The following EFCC1 variants were observed in gnomAD, a reference collection of about 807,000 sequenced individuals.
EFCC1 encodes EF-hand and coiled-coil domain containing 1, also known as EF-hand and coiled-coil domain-containing protein 1.
In EFCC1, 50 loss-of-function variants were observed where a neutral mutation model predicts 52.1. The ratio of observed to expected loss-of-function variants is 0.96; its 90% CI spans 0.76 to 1.21. The LOEUF (loss-of-function observed/expected upper bound fraction) is 1.21, where lower values mean the gene tolerates loss of function less well. EFCC1 is among the 50% of genes most tolerant of loss of function. The pLI is 0.00. For missense variants in EFCC1, 837 were observed against 867.3 expected (o/e 0.97, Z 0.44); for synonymous variants, 399 against 396.5 (o/e 1.01, Z -0.08).
intron 2 of EFCC1, among the ~76,000 whole-genome samples, chr3:129,022,773 C>T (rs987682578): frequency 2.0e-5 from 3 of 152,348 alleles, no homozygotes; most frequent in African/African-American, 7.2e-5. Flanking sequence ...CTGCAGCTCA[C>T]AGAAGGCCCC....
In EFCC1 at chr3:129,001,697, T is replaced by G. The variant is rs1252331609; in HGVS notation, c.69T>G (p.Pro23=). 3 of 1,496,936 alleles carry G rather than the reference T, an allele frequency of 2.0e-6. No individual in the cohort carries two copies. The Admixed American group carries it at 6.4e-5, about 32-fold the overall frequency. The allele number at this position is 1,496,936 out of a possible 1,614,324, so 92.7% of individuals were successfully genotyped here. The change falls in exon 1 of 8, where the codon CCT becomes CCG. Residue 23 remains proline, a synonymous_variant. Coordinates refer to ENST00000683648, the MANE Select transcript of EFCC1 (RefSeq NM_001377500.1). The part of the protein sequence containing the change: ...EGAGGDPYRR[P]ARRTQWLLSA... Reference sequence around the variant, plus strand: ...CGGGAGGTGACCCGTACCGGCGACCTGCGCGGCGCACGCAGTGGCTGCTGA... The same window carrying G: ...CGGGAGGTGACCCGTACCGGCGACCGGCGCGGCGCACGCAGTGGCTGCTGA...
chr3:129,003,789 C>A lies in EFCC1; in HGVS notation c.697-5C>A. 1 of 1,440,404 alleles carries A rather than the reference C, an allele frequency of 6.9e-7. No homozygotes were observed. Among genetic ancestry groups the A allele is most frequent in the Non-Finnish European group, 9.1e-7 (1 of 1,101,884 alleles). 89.2% of individuals were successfully genotyped at this position (1,440,404 alleles called of 1,614,324 possible). ...CCCCCTGCCCCTGCTGCCCTGTCCC[C>A]GCAGGTCGGACTCTGGAAGAGCCAG... On this transcript the variant is annotated splice_polypyrimidine_tract_variant and splice_region_variant and intron_variant, in intron 1 of 7. Transcript: ENST00000683648.
Position 129,001,626 on chromosome 3 carries a change from G to T in EFCC1, c.-3G>T. Reference sequence around the variant, plus strand: ...CCGGAGGAGCGAGGCGCGCGGCGCAGCGATGGAGCCGGTCAGCACGGGCGC... The same window carrying T: ...CCGGAGGAGCGAGGCGCGCGGCGCATCGATGGAGCCGGTCAGCACGGGCGC... On this transcript the variant is annotated 5_prime_UTR_variant, in exon 1 of 8. Transcript: ENST00000683648. 7.4e-7 allele frequency: 1 copy of T among 1,357,936 alleles called. No homozygotes were observed. Among genetic ancestry groups the T allele is most frequent in the East Asian group, 3.0e-5 (1 of 33,058 alleles). 84.1% of individuals were successfully genotyped at this position (1,357,936 alleles called of 1,614,324 possible). A position where few individuals can be genotyped will look rare whatever the true frequency, so the allele number is the denominator to read the frequency against.
At chr3:129,031,015 TC>T (rs1243089487) in intron 3 of EFCC1, among the ~76,000 whole-genome samples, 155 bp downstream of exon 3, 3 of 152,122 alleles carry the variant, frequency 2.0e-5, no homozygotes, top group Non-Finnish European at 4.4e-5. Context: ...GGGGCCCTTT[TC>T]CCCAGCCCCA....
intron 2 of EFCC1, among the ~76,000 whole-genome samples, chr3:129,029,498 G>C (rs1459086260): frequency 6.6e-6 from 1 of 152,122 alleles, no homozygotes; most frequent in African/African-American, 2.4e-5. Flanking sequence ...TGCTTTTGGA[G>C]GCCAAGGCGC....
At chr3:129,027,497 G>A (rs1946158652) in intron 2 of EFCC1, among the ~76,000 whole-genome samples, 2 of 152,162 alleles carry the variant, frequency 1.3e-5, no homozygotes, top group Non-Finnish European at 2.9e-5. Flanking sequence ...GCCGCGGGAG[G>A]CTCCCTGCCT....
intron 2 of EFCC1, among the ~76,000 whole-genome samples, chr3:129,007,215 G>A (rs1422355433): frequency 1.3e-5 from 2 of 152,206 alleles, no homozygotes; most frequent in Admixed American, 6.5e-5. Context: ...TGGCTGGGGA[G>A]GGACTGTAGG....
chr3:129,001,804 T>G lies in EFCC1; in HGVS notation c.176T>G (p.Leu59Arg). 1 of 1,545,430 alleles carries G rather than the reference T, an allele frequency of 6.5e-7. No individual in the cohort carries two copies. The highest frequency in any genetic ancestry group is 1.4e-5 in the African/African-American group (1 of 72,678). The change falls in exon 1 of 8, where the codon CTG becomes CGG. Residue 59 changes from leucine (L) to arginine (R), a missense_variant. By Grantham distance (102) the Leu-to-Arg change is moderately radical. Coordinates refer to ENST00000683648, the MANE Select transcript of EFCC1 (RefSeq NM_001377500.1). ...CTGGCCACCGGCCTGGACCAGTACC[T>G]GCAGGAGGTCTTCCACCACCTGGAC... ...VVLATGLDQY[L>R]QEVFHHLDCR...
At chr3:129,031,713 C>A (rs1019620754) in intron 3 of EFCC1, among the ~76,000 whole-genome samples, 1 of 152,214 alleles carries the variant, frequency 6.6e-6, no homozygotes, top group African/African-American at 2.4e-5. Context: ...CCTGGCCCTG[C>A]GTTGCTCTAC....
In EFCC1 at chr3:129,002,139, G is replaced by C. The variant is rs529712866; in HGVS notation, c.511G>C (p.Glu171Gln). 2.7e-6 allele frequency: 4 copies of C among 1,474,706 alleles called. No homozygotes were observed. The highest frequency in any genetic ancestry group is 2.0e-4 in the Middle Eastern group (1 of 5,012). The allele number at this position is 1,474,706 out of a possible 1,614,324, so 91.4% of individuals were successfully genotyped here. A position where few individuals can be genotyped will look rare whatever the true frequency, so the allele number is the denominator to read the frequency against. The change falls in exon 1 of 8, where the codon GAG becomes CAG. Residue 171 changes from glutamate (E) to glutamine (Q), a missense_variant. Coordinates refer to ENST00000683648, the MANE Select transcript of EFCC1 (RefSeq NM_001377500.1). Reference sequence around the variant, plus strand: ...CCGCGGCGCTCTCAGCGAGCACATCGAGACGCAGATCCGCCTGCGCCGTCC... The same window carrying C: ...CCGCGGCGCTCTCAGCGAGCACATCCAGACGCAGATCCGCCTGCGCCGTCC... ...LPRGALSEHI[E>Q]TQIRLRRPRR...
chr3:129,003,558 T>C (rs1004944019), intron 1 of EFCC1, among the ~76,000 whole-genome samples: 5 of 141,100 alleles, frequency 3.5e-5, no homozygotes, highest in Admixed American at 2.8e-4. Context: ...TGAAAAAACG[T>C]TGGGGGGTGG....
intron 2 of EFCC1, among the ~76,000 whole-genome samples, chr3:129,024,655 G>A (rs909303058): frequency 6.6e-6 from 1 of 152,162 alleles, no homozygotes; most frequent in Non-Finnish European, 1.5e-5. Flanking sequence ...CAGGGAAGAA[G>A]GTAGAAGAAC....
At chr3:129,013,994 C>G (rs1276150230) in intron 2 of EFCC1, among the ~76,000 whole-genome samples, 9 of 152,164 alleles carry the variant, frequency 5.9e-5, no homozygotes, top group Non-Finnish European at 1.2e-4. Flanking sequence ...CGGAGAGGAC[C>G]GAGGTGACTG....
chr3:129,004,337 C>A (rs1944965372), intron 2 of EFCC1, among the ~76,000 whole-genome samples: 2 of 149,220 alleles, frequency 1.3e-5, no homozygotes, highest in African/African-American at 4.9e-5. Context: ...CACACACCCA[C>A]CCATCCATCC....
At position 129,001,346 on chromosome 3, in the gene EFCC1, G is replaced by T. The variant is rs1944731758; in HGVS notation, c.-283G>T. Among the ~76,000 whole-genome samples the T allele has an allele frequency of 6.6e-6, 1 of 152,234 alleles. No homozygotes were observed. Among genetic ancestry groups the T allele is most frequent in the Admixed American group, 6.5e-5 (1 of 15,290 alleles). On this transcript the variant is annotated 5_prime_UTR_variant, in exon 1 of 8. Coordinates refer to ENST00000683648, the MANE Select transcript of EFCC1 (RefSeq NM_001377500.1). ...CGTGAGTGAGGAGAGGAGAGCGTGGGAGTCACGCGGAGAAGCCAGACCCAG... is the reference window on the plus strand; with the variant it reads ...CGTGAGTGAGGAGAGGAGAGCGTGGTAGTCACGCGGAGAAGCCAGACCCAG...
At position 129,010,018 on chromosome 3, in the gene EFCC1, C is replaced by T. The variant is rs1307730372; in HGVS notation, c.980+5941C>T. On this transcript the variant is annotated intron_variant, in intron 2 of 7. Transcript: ENST00000683648. The surrounding 1 kb of genome is among the most constrained non-coding windows in gnomAD (Gnocchi z 4.3). ...GGCTTGGCACTTCTGTGGCCTAGCA[C>T]CCAGCCCAGCCTTGGCACACAGTAA... Among the ~76,000 whole-genome samples the T allele has an allele frequency of 6.6e-6, 1 of 152,236 alleles. No homozygotes were observed. The highest frequency in any genetic ancestry group is 1.5e-5 in the Non-Finnish European group (1 of 68,046).
chr3:129,002,401 C>T (rs1944832656), intron 1 of EFCC1, 77 bp downstream of exon 1: 1 of 1,457,596 alleles, frequency 6.9e-7, no homozygotes, highest in Middle Eastern at 2.4e-4. Context: ...CTGCGGAGCC[C>T]GACAGGACAG....
chr3:129,024,069 T>C (rs1034005012), intron 2 of EFCC1, among the ~76,000 whole-genome samples: 3 of 152,206 alleles, frequency 2.0e-5, no homozygotes, highest in African/African-American at 4.8e-5. Context: ...CAAACCTTCA[T>C]TGGGCCACTC....
chr3:129,037,151 A>C (rs367732811), intron 6 of EFCC1, 34 bp downstream of exon 6: 3 of 1,574,602 alleles, frequency 1.9e-6, no homozygotes, highest in Admixed American at 1.9e-5. Flanking sequence ...CACTCAGGGA[A>C]GGGAAAGGAG....
Sources: allele counts gnomAD v4.1 joint callset (sites outside exome capture counted in the v4.1 genomes callset), GRCh38; gene constraint gnomAD v4.1.1; non-coding constraint Gnocchi (gnomAD v3.1); transcripts MANE v1.5; gene names NCBI Gene and HGNC (gene_info 2026-07-23, HGNC 2026-07-21).